Variants in PGM5 observed in about 807,000 individuals in gnomAD.
PGM5 encodes phosphoglucomutase 5.
Under a neutral mutation model 59.2 loss-of-function variants are expected in PGM5, and 23 were observed. The ratio of observed to expected loss-of-function variants is 0.39; its 90% CI spans 0.28 to 0.55. The LOEUF (loss-of-function observed/expected upper bound fraction) is 0.55. Among genes scored for constraint, PGM5 ranks in the 20% least tolerant of loss-of-function variants. PGM5 has a pLI of 0.66. For missense variants in PGM5, 574 were observed against 748.3 expected, an observed-to-expected ratio of 0.77 and a Z score of 2.72; for synonymous variants, 214 against 286.0, an observed-to-expected ratio of 0.75 and a Z score of 2.54.
intron 6 of PGM5, among the ~76,000 whole-genome samples, chr9:68,421,034 C>T (rs900779126): frequency 3.9e-5 from 6 of 152,170 alleles, no homozygotes; most frequent in Admixed American, 1.3e-4. Context: ...CTGATGAAAG[C>T]TAGGTCGACG....
intron 10 of PGM5, 23 bp downstream of exon 10, chr9:68,499,384 A>T: frequency 6.2e-7 from 1 of 1,610,434 alleles, no homozygotes; most frequent in South Asian, 1.1e-5. Flanking sequence ...CTGTGCTCCC[A>T]GCAGTGTGTC....
intron 10 of PGM5, among the ~76,000 whole-genome samples, chr9:68,511,608 T>G (rs1349527670): frequency 4.5e-5 from 6 of 133,886 alleles, no homozygotes; most frequent in African/African-American, 1.6e-4. Flanking sequence ...TGGAGTGCAG[T>G]GGTGCAATCT....
chr9:68,491,751 C>A (rs1229364028), intron 9 of PGM5, among the ~76,000 whole-genome samples: 1 of 152,144 alleles, frequency 6.6e-6, no homozygotes, highest in African/African-American at 2.4e-5. Flanking sequence ...CCTGTAGTCC[C>A]AGCTACTTGG....
At chr9:68,454,797 C>G (rs1187056558) in intron 6 of PGM5, among the ~76,000 whole-genome samples, 1 of 152,210 alleles carries the variant, frequency 6.6e-6, no homozygotes, top group African/African-American at 2.4e-5. Context: ...CCTGCCTTTC[C>G]TGCTCACTCA....
intron 1 of PGM5, among the ~76,000 whole-genome samples, chr9:68,367,913 T>C (rs1370001232): frequency 1.3e-5 from 2 of 151,464 alleles, no homozygotes; most frequent in African/African-American, 4.9e-5. Flanking sequence ...TACCTATAAA[T>C]GTATATGTAT....
At chr9:68,428,023 A>G (rs893145755) in intron 6 of PGM5, among the ~76,000 whole-genome samples, 7 of 152,176 alleles carry the variant, frequency 4.6e-5, no homozygotes, top group African/African-American at 7.2e-5. Context: ...CTTTCCTTTT[A>G]TAATGCTCTG....
intron 1 of PGM5, among the ~76,000 whole-genome samples, chr9:68,376,274 T>C (rs1554677629): frequency 6.6e-6 from 1 of 152,174 alleles, no homozygotes; most frequent in African/African-American, 2.4e-5. Context: ...CCCTTAGCTA[T>C]TATTATTATA....
intron 10 of PGM5, among the ~76,000 whole-genome samples, chr9:68,503,346 G>A (rs562453860): frequency 6.6e-6 from 1 of 152,302 alleles, no homozygotes; most frequent in South Asian, 2.1e-4. Flanking sequence ...TTAACCTATG[G>A]TTGGGGAAGA....
chr9:68,492,734 G>A (rs7862888), intron 9 of PGM5, among the ~76,000 whole-genome samples: 111,369 of 152,084 alleles, frequency 0.73, 40,931 homozygotes, highest in East Asian at 0.98. Context: ...ACCACTTTTG[G>A]ACTCATGCTC....
chr9:68,488,643 G>A (rs1824336738), intron 9 of PGM5, among the ~76,000 whole-genome samples: 1 of 152,190 alleles, frequency 6.6e-6, no homozygotes, highest in Non-Finnish European at 1.5e-5. Flanking sequence ...AGTGTCTGAT[G>A]CATGTGTGAC....
chr9:68,471,788 G>A (rs778259195), intron 7 of PGM5, among the ~76,000 whole-genome samples: 22 of 151,914 alleles, frequency 1.4e-4, no homozygotes, highest in East Asian at 3.9e-4. Flanking sequence ...ATGTGGTGGC[G>A]GGTGCCTGTA....
At chr9:68,370,391 A>G (rs3889703) in intron 1 of PGM5, among the ~76,000 whole-genome samples, 36,430 of 150,504 alleles carry the variant, frequency 0.24, 4,799 homozygotes, top group Admixed American at 0.33. Context: ...TGTCACAGGA[A>G]AAACTCATTT....
chr9:68,506,330 C>T (rs1049298175), intron 10 of PGM5, among the ~76,000 whole-genome samples: 1 of 152,174 alleles, frequency 6.6e-6, no homozygotes, highest in Non-Finnish European at 1.5e-5. Flanking sequence ...TATCTCTGGA[C>T]CTCACTTCTG....
chr9:68,504,592 C>G (rs1220070404), intron 10 of PGM5, among the ~76,000 whole-genome samples: 1 of 152,232 alleles, frequency 6.6e-6, no homozygotes, highest in African/African-American at 2.4e-5. Context: ...CATAGCTTGT[C>G]TCCTTACTTC....
intron 6 of PGM5, among the ~76,000 whole-genome samples, chr9:68,439,965 C>T (rs1823500753): frequency 6.6e-6 from 1 of 152,134 alleles, no homozygotes; most frequent in African/African-American, 2.4e-5. Flanking sequence ...GAGAACTAAA[C>T]TGCACTGCAA....
At chr9:68,497,203 T>C (rs1554688225) in intron 9 of PGM5, 1 of 152,210 alleles carries the variant, frequency 6.6e-6, no homozygotes, top group African/African-American at 2.4e-5. Flanking sequence ...ATAAGGTGGT[T>C]AAGAAGACAG....
chr9:68,408,891 T>C (rs1374553119), intron 6 of PGM5, among the ~76,000 whole-genome samples: 1 of 152,110 alleles, frequency 6.6e-6, no homozygotes, highest in Non-Finnish European at 1.5e-5. Flanking sequence ...GTTGTAGACA[T>C]GCGGCATTAT....
intron 10 of PGM5, among the ~76,000 whole-genome samples, chr9:68,510,659 A>G (rs1554689301): frequency 6.6e-6 from 1 of 152,218 alleles, no homozygotes; most frequent in Non-Finnish European, 1.5e-5. Flanking sequence ...CAATCGTTTT[A>G]GAGGTTTACT....
At chr9:68,423,087 G>T (rs554225457) in intron 6 of PGM5, among the ~76,000 whole-genome samples, 2 of 152,202 alleles carry the variant, frequency 1.3e-5, no homozygotes, top group African/African-American at 4.8e-5. Context: ...GTATTCCATT[G>T]TATATATATA....
Sources: gnomAD v4.1 joint callset for allele counts (sites outside exome capture counted in the v4.1 genomes callset) on GRCh38, gnomAD v4.1.1 for gene constraint, MANE v1.5 for transcripts, NCBI Gene and HGNC (gene_info 2026-07-23, HGNC 2026-07-21) for gene names.